Variants in SCOC observed in about 807,000 individuals in gnomAD.
SCOC encodes the protein short coiled-coil protein, also known as short coiled coil protein.
SCOC carries 7 observed loss-of-function variants against 9.9 expected under a neutral mutation model. That is an observed-to-expected ratio of 0.71 (90% CI 0.40 to 1.33). SCOC has a LOEUF of 1.33. Ranked by LOEUF, SCOC falls within the 40% of genes most tolerant of loss-of-function variation. SCOC has a pLI of 0.01. For missense variants in SCOC, 66 were observed against 89.7 expected (o/e 0.74, Z 1.07); for synonymous variants, 19 against 28.2 (o/e 0.67, Z 1.03).
intron 1 of SCOC, among the ~76,000 whole-genome samples, chr4:140,261,337 A>G (rs1429169803): frequency 6.6e-6 from 1 of 152,148 alleles, no homozygotes; most frequent in Non-Finnish European, 1.5e-5. Context: ...CCACCACTCC[A>G]ACAGCTCTCC....
At chr4:140,340,625 A>G (rs151203448), upstream of SCOC, among the ~76,000 whole-genome samples, 1,876 of 152,086 alleles carry the variant, frequency 0.012, 28 homozygotes, top group Non-Finnish European at 0.019. Context: ...TAAGTATAGG[A>G]GCTAAAACTA....
intron 1 of SCOC, among the ~76,000 whole-genome samples, chr4:140,298,935 C>T (rs528256598): frequency 1.3e-5 from 2 of 152,284 alleles, no homozygotes; most frequent in Admixed American, 1.3e-4. Context: ...CCCACTTCAG[C>T]CTCCTGAGTA....
At chr4:140,362,740 G>T (rs1252664149) in intron 2 of SCOC, 6 of 152,096 alleles carry the variant, frequency 3.9e-5, no homozygotes, top group African/African-American at 1.4e-4. Context: ...TCTCCAGCTG[G>T]TGTGGTTCTC....
At chr4:140,323,768 C>A (rs1157803830) in intron 1 of SCOC, among the ~76,000 whole-genome samples, 6 of 152,090 alleles carry the variant, frequency 3.9e-5, no homozygotes, top group African/African-American at 1.4e-4. Context: ...AACTCCTAGC[C>A]TAGATGGTTT....
intron 2 of SCOC, among the ~76,000 whole-genome samples, chr4:140,353,140 T>G (rs1252687671): frequency 6.6e-6 from 1 of 152,136 alleles, no homozygotes; most frequent in Admixed American, 6.6e-5. Flanking sequence ...TTAGAGAACT[T>G]AAGGGTTCCT....
At chr4:140,349,942 C>T (rs1726906261) in intron 2 of SCOC, among the ~76,000 whole-genome samples, 2 of 152,334 alleles carry the variant, frequency 1.3e-5, no homozygotes, top group South Asian at 2.1e-4. Flanking sequence ...CTTAGCATAG[C>T]ATTGAAGGTC....
At chr4:140,378,825 G>A (rs1004690658) in intron 1 of SCOC, among the ~76,000 whole-genome samples, 1 of 151,920 alleles carries the variant, frequency 6.6e-6, no homozygotes, top group Non-Finnish European at 1.5e-5. Flanking sequence ...TAAAATTTGT[G>A]TCCAGTGTTT....
chr4:140,374,935 C>T (rs1728270900), intron 1 of SCOC, among the ~76,000 whole-genome samples: 1 of 152,172 alleles, frequency 6.6e-6, no homozygotes, highest in Admixed American at 6.5e-5. Flanking sequence ...AAGCATTTAG[C>T]ACATTAATGC....
upstream of SCOC, among the ~76,000 whole-genome samples, chr4:140,370,865 T>A (rs1728024115): frequency 6.6e-6 from 1 of 152,008 alleles, no homozygotes; most frequent in Non-Finnish European, 1.5e-5. Flanking sequence ...TATCTTGAGT[T>A]GTCTTTTTCT....
At chr4:140,263,207 C>T (rs1450967684) in intron 1 of SCOC, among the ~76,000 whole-genome samples, 1 of 152,114 alleles carries the variant, frequency 6.6e-6, no homozygotes, top group African/African-American at 2.4e-5. Flanking sequence ...GGCCAGAGTA[C>T]CTAGCAAATT....
chr4:140,372,333 T>C (rs907149029), upstream of SCOC, among the ~76,000 whole-genome samples: 3 of 152,248 alleles, frequency 2.0e-5, no homozygotes, highest in Non-Finnish European at 4.4e-5. Flanking sequence ...TTGCTTTTAA[T>C]AGTTTCTCTT....
intron 2 of SCOC, among the ~76,000 whole-genome samples, chr4:140,344,931 A>G (rs756180241): frequency 3.9e-5 from 6 of 152,236 alleles, no homozygotes; most frequent in Non-Finnish European, 8.8e-5. Context: ...GCTGAGCCTG[A>G]AAGTGGGGAC....
chr4:140,340,188 A>T (rs1001860042), upstream of SCOC, among the ~76,000 whole-genome samples: 1 of 152,146 alleles, frequency 6.6e-6, no homozygotes, highest in Admixed American at 6.5e-5. Flanking sequence ...TTCTCAGCAA[A>T]CTATCGCAAG....
chr4:140,343,566 G>A, intron 1 of SCOC: 1 of 1,097,232 alleles, frequency 9.1e-7, no homozygotes, highest in Non-Finnish European at 1.4e-6. Context: ...TTTAACAAGG[G>A]CGGTCACATG....
intron 1 of SCOC, among the ~76,000 whole-genome samples, chr4:140,295,951 A>G (rs997084351): frequency 6.7e-6 from 1 of 149,236 alleles, no homozygotes; most frequent in Non-Finnish European, 1.5e-5. Context: ...AAAAAAAGAA[A>G]GAAAGAAAAA....
chr4:140,354,708 T>C (rs1285312441), intron 2 of SCOC, among the ~76,000 whole-genome samples: 1 of 152,014 alleles, frequency 6.6e-6, no homozygotes, highest in Admixed American at 6.5e-5. Flanking sequence ...GATTATATCC[T>C]TAAGGGTTTT....
chr4:140,362,302 T>TTCTTCTTCTTCTTCTTCTTC lies in SCOC; in HGVS notation c.71-16818_71-16817insCTTCTTCTTCTTCTTCTTCT, dbSNP rs1727582964. On this transcript the variant is annotated intron_variant, in intron 2 of 4. Transcript: ENST00000338517. ...ACTTCTTCTTCTTCTTCTTCTTCTT[T>TTCTTCTTCTTCTTCTTCTTC]TTTTTTTTTTTTTGTGAGAGTCTCG... Among the ~76,000 whole-genome samples, 86 of 27,852 alleles carry TTCTTCTTCTTCTTCTTCTTC rather than the reference T, an allele frequency of 3.1e-3. 3 individuals are homozygous for TTCTTCTTCTTCTTCTTCTTC. Among genetic ancestry groups the TTCTTCTTCTTCTTCTTCTTC allele is most frequent in the African/African-American group, 4.6e-3 (40 of 8,694 alleles). 18.3% of individuals were successfully genotyped at this position (27,852 alleles called of 152,430 possible).
At chr4:140,293,056 A>G (rs1731521333) in intron 1 of SCOC, among the ~76,000 whole-genome samples, 1 of 152,132 alleles carries the variant, frequency 6.6e-6, no homozygotes, top group South Asian at 2.1e-4. Flanking sequence ...GTTTCTCACG[A>G]TTCCCCTGTA....
chr4:140,355,230 T>G (rs1372491424), intron 2 of SCOC, among the ~76,000 whole-genome samples: 45 of 143,142 alleles, frequency 3.1e-4, no homozygotes, highest in African/African-American at 7.2e-4. Context: ...TATATATATA[T>G]ATATATATAT....
Sources: gnomAD v4.1 joint callset for allele counts (sites outside exome capture counted in the v4.1 genomes callset) on GRCh38, gnomAD v4.1.1 for gene constraint, MANE v1.5 for transcripts, NCBI Gene and HGNC (gene_info 2026-07-23, HGNC 2026-07-21) for gene names.